Variants in CTNNA3 observed in about 807,000 individuals in gnomAD.
CTNNA3 encodes catenin alpha 3.
Under a neutral mutation model 95.7 loss-of-function variants are expected in CTNNA3, and 76 were observed. The ratio of observed to expected loss-of-function variants is 0.79; its 90% CI spans 0.66 to 0.96. The LOEUF (loss-of-function observed/expected upper bound fraction) is 0.96. CTNNA3 is among the 40% of genes least tolerant of loss of function. The probability of loss-of-function intolerance (pLI) is 0.00; values close to 1 mark genes in which losing one functional copy is unlikely to be tolerated. For synonymous variants in CTNNA3, 431 were observed against 374.4 expected, an observed-to-expected ratio of 1.15 and a Z score of -1.74; for missense variants, 1,191 against 1,089.8, an observed-to-expected ratio of 1.09 and a Z score of -1.31.
chr10:67,161,023 T>C (rs1260961790), intron 7 of CTNNA3, among the ~76,000 whole-genome samples: 1 of 151,820 alleles, frequency 6.6e-6, no homozygotes, highest in East Asian at 1.9e-4. Context: ...TGCTAGGGGA[T>C]TGGGGAGGGA....
chr10:65,917,546 G>C lies in CTNNA3; in HGVS notation c.*2784C>G, dbSNP rs1050254273. ...AACCAGGGATGGAACTGCTCCTGTG[G>C]GTGGTAAACACCCCTCTCCTCCCTC... On this transcript the variant is annotated 3_prime_UTR_variant, in exon 18 of 18. Transcript: ENST00000433211. 2.6e-5 allele frequency: 4 copies of C among 151,768 alleles called. No homozygotes were observed. The highest frequency in any genetic ancestry group is 4.4e-5 in the Non-Finnish European group (3 of 67,966). 9.4% of individuals were successfully genotyped at this position (151,768 alleles called of 1,614,324 possible).
chr10:66,202,348 A>T (rs2087481274), intron 13 of CTNNA3, among the ~76,000 whole-genome samples: 1 of 152,186 alleles, frequency 6.6e-6, no homozygotes. Flanking sequence ...GGCTAAATAA[A>T]TGTGGCCAAC....
chr10:67,086,741 C>T (rs1219378425), intron 7 of CTNNA3, among the ~76,000 whole-genome samples: 1 of 151,920 alleles, frequency 6.6e-6, no homozygotes, highest in Non-Finnish European at 1.5e-5. Context: ...AATACCCTAT[C>T]AGTCATAGAT....
chr10:66,507,605 C>T (rs557534359), intron 11 of CTNNA3, among the ~76,000 whole-genome samples: 1 of 152,092 alleles, frequency 6.6e-6, no homozygotes, highest in Admixed American at 6.6e-5. Flanking sequence ...CAATATTTAT[C>T]TTTCCACGTC....
intron 5 of CTNNA3, among the ~76,000 whole-genome samples, chr10:67,444,289 A>C (rs1264276911): frequency 6.6e-6 from 1 of 152,182 alleles, no homozygotes; most frequent in Admixed American, 6.5e-5. Context: ...TATACTCCTG[A>C]ATGACTAGTG....
chr10:66,415,933 T>C (rs1389416594), intron 11 of CTNNA3, among the ~76,000 whole-genome samples: 2 of 152,008 alleles, frequency 1.3e-5, no homozygotes, highest in Non-Finnish European at 2.9e-5. Flanking sequence ...ACAGGAATCA[T>C]GAAAAAGCAA....
chr10:67,275,382 T>C (rs1193159777), intron 5 of CTNNA3, among the ~76,000 whole-genome samples: 3 of 152,164 alleles, frequency 2.0e-5, no homozygotes, highest in African/African-American at 7.2e-5. Context: ...AGAAAATGTC[T>C]TTATGTAAAT....
intron 11 of CTNNA3, among the ~76,000 whole-genome samples, chr10:66,493,865 A>AAAG (rs1402161252): frequency 1.3e-5 from 2 of 149,284 alleles, no homozygotes; most frequent in Non-Finnish European, 3.0e-5. Flanking sequence ...TCAGCCTCCC[A>AAAG]AAGTGCTGGG....
chr10:66,066,879 T>TA (rs1201901589), intron 15 of CTNNA3, among the ~76,000 whole-genome samples: 2 of 152,166 alleles, frequency 1.3e-5, no homozygotes, highest in Non-Finnish European at 1.5e-5. Context: ...TCATACTATT[T>TA]AAAAAACTTG....
chr10:67,738,790 C>T (rs376215401), intron 1 of CTNNA3, among the ~76,000 whole-genome samples: 2 of 151,776 alleles, frequency 1.3e-5, no homozygotes, highest in African/African-American at 2.4e-5. Context: ...AACTACATAA[C>T]GAATGCACAA....
intron 12 of CTNNA3, among the ~76,000 whole-genome samples, chr10:66,367,194 A>G (rs1276541638): frequency 1.3e-5 from 2 of 151,740 alleles, no homozygotes; most frequent in Non-Finnish European, 2.9e-5. Context: ...GCCCATGCGT[A>G]AGCCATCAAT....
chr10:67,068,529 C>G (rs1381232027), intron 7 of CTNNA3, among the ~76,000 whole-genome samples: 4 of 152,016 alleles, frequency 2.6e-5, no homozygotes, highest in African/African-American at 9.7e-5. Flanking sequence ...TGGTTAAAAT[C>G]ACACAAAGAA....
At chr10:66,170,241 C>CTTT (rs57644952) in intron 13 of CTNNA3, among the ~76,000 whole-genome samples, 11,640 of 73,368 alleles carry the variant, frequency 0.16, 1,423 homozygotes, top group Non-Finnish European at 0.19. Flanking sequence ...TCCTCATTGT[C>CTTT]TTTTTTTTTT....
chr10:67,187,935 C>G (rs560175500), intron 6 of CTNNA3, among the ~76,000 whole-genome samples: 6 of 152,226 alleles, frequency 3.9e-5, no homozygotes, highest in Non-Finnish European at 5.9e-5. Context: ...ACCCCAAGTA[C>G]TCTTCAACTT....
chr10:66,404,827 G>A (rs995459573), intron 11 of CTNNA3, among the ~76,000 whole-genome samples: 1 of 150,388 alleles, frequency 6.6e-6, no homozygotes, highest in African/African-American at 2.5e-5. Context: ...TGTATTTTAT[G>A]TGTGGCCCAA....
chr10:66,323,236 G>T (rs960322933), intron 12 of CTNNA3, among the ~76,000 whole-genome samples: 1 of 151,908 alleles, frequency 6.6e-6, no homozygotes, highest in Non-Finnish European at 1.5e-5. Flanking sequence ...GCCACACTAA[G>T]TATCTATTTT....
chr10:67,084,321 C>T (rs549072814), intron 7 of CTNNA3, among the ~76,000 whole-genome samples: 55 of 152,046 alleles, frequency 3.6e-4, no homozygotes, highest in Admixed American at 1.4e-3. Flanking sequence ...GAAGAAAATA[C>T]CAAAGATGCT....
chr10:66,564,936 G>A (rs139154496), intron 10 of CTNNA3, among the ~76,000 whole-genome samples: 104 of 152,254 alleles, frequency 6.8e-4, no homozygotes, highest in African/African-American at 2.4e-3. Flanking sequence ...GTCAGAAATA[G>A]CATTAGAACC....
chr10:67,027,509 A>C (rs1025980264), intron 7 of CTNNA3, among the ~76,000 whole-genome samples: 1 of 139,028 alleles, frequency 7.2e-6, no homozygotes, highest in Non-Finnish European at 1.5e-5. Context: ...ATCTCGGCTC[A>C]CTGCAACCTC....
Sources: gnomAD v4.1 joint callset for allele counts (sites outside exome capture counted in the v4.1 genomes callset) on GRCh38, gnomAD v4.1.1 for gene constraint, MANE v1.5 for transcripts, NCBI Gene and HGNC (gene_info 2026-07-23, HGNC 2026-07-21) for gene names.